SLC4A1AP: variants seen among roughly 807,000 people sequenced by gnomAD.
SLC4A1AP encodes the protein kanadaptin.
In SLC4A1AP, 64 loss-of-function variants were observed where a neutral mutation model predicts 89.7. The ratio of observed to expected loss-of-function variants is 0.71; its 90% CI spans 0.58 to 0.88. The LOEUF (loss-of-function observed/expected upper bound fraction) is 0.88. Ranked by LOEUF, SLC4A1AP falls within the 40% of genes least tolerant of loss-of-function variation. SLC4A1AP has a pLI of 0.00. For synonymous variants in SLC4A1AP, 366 were observed against 353.3 expected, an observed-to-expected ratio of 1.04 and a Z score of -0.40; for missense variants, 931 against 965.0, an observed-to-expected ratio of 0.96 and a Z score of 0.47.
At chr2:27,679,696 CAAGAT>C (rs1348935652) in intron 8 of SLC4A1AP, among the ~76,000 whole-genome samples, 2 of 151,988 alleles carry the variant, frequency 1.3e-5, no homozygotes, top group African/African-American at 4.8e-5. Context: ...GAAACACTAT[CAAGAT>C]AAGTAACAAA....
chr2:27,678,362 A>G (rs1675558218), intron 8 of SLC4A1AP, among the ~76,000 whole-genome samples: 1 of 152,080 alleles, frequency 6.6e-6, no homozygotes. Flanking sequence ...GCACAACCCT[A>G]TCTCTACAAA....
intron 9 of SLC4A1AP, 91 bp downstream of exon 9, chr2:27,682,450 C>A: frequency 5.6e-6 from 4 of 714,444 alleles, no homozygotes; most frequent in East Asian, 2.8e-5. Flanking sequence ...ACAAATGACT[C>A]ATTCCATAGT....
chr2:27,664,031 T>G, exon 1 of SLC4A1AP: 3 of 1,614,156 alleles, frequency 1.9e-6, no homozygotes, highest in Non-Finnish European at 2.5e-6. Context: ...CGGCCAGCAG[T>G]TCTTCAAACC....
chr2:27,667,898 T>C (rs1675360056), intron 3 of SLC4A1AP, among the ~76,000 whole-genome samples: 1 of 151,746 alleles, frequency 6.6e-6, no homozygotes, highest in Non-Finnish European at 1.5e-5. Context: ...ATATATGAAA[T>C]AGCTGTGCAC....
At chr2:27,689,098 A>G (rs983796193) in intron 12 of SLC4A1AP, among the ~76,000 whole-genome samples, 1 of 152,208 alleles carries the variant, frequency 6.6e-6, no homozygotes, top group Middle Eastern at 3.4e-3. Context: ...TCCATTCTAC[A>G]TCTGTTTTTT....
chr2:27,682,220 G>C, intron 8 of SLC4A1AP, 28 bp from the exon 9 acceptor site: 1 of 1,463,502 alleles, frequency 6.8e-7, no homozygotes, highest in Non-Finnish European at 9.5e-7. Flanking sequence ...CCCTGGAATA[G>C]ATGTGTATAA....
intron 13 of SLC4A1AP, 143 bp from the exon 14 acceptor site, chr2:27,694,484 TTTTGAAA>T (rs1404018280): frequency 1.1e-4 from 51 of 463,994 alleles, no homozygotes; most frequent in Non-Finnish European, 1.8e-4. Flanking sequence ...GAGGGCTGTA[TTTTGAAA>T]TTTCATACAA....
At chr2:27,664,616 T>C (rs1457211155) in intron 1 of SLC4A1AP, 39 bp downstream of exon 1, 1 of 1,462,396 alleles carries the variant, frequency 6.8e-7, no homozygotes, top group East Asian at 2.3e-5. Flanking sequence ...TCGGGTTCAT[T>C]GGACTGCGTT....
At chr2:27,685,214 G>A (rs758404295) in exon 10 of SLC4A1AP, 2 of 1,614,170 alleles carry the variant, frequency 1.2e-6, no homozygotes, top group Non-Finnish European at 1.7e-6. Context: ...AGAGCCAGAA[G>A]CAGCAGTGCA....
exon 1 of SLC4A1AP, chr2:27,664,334 G>A: frequency 6.2e-7 from 1 of 1,614,218 alleles, no homozygotes; most frequent in Non-Finnish European, 8.5e-7. Context: ...TCGGGAGGCT[G>A]TCTGGCTGCG....
chr2:27,693,406 A>G (rs1309885919), intron 12 of SLC4A1AP: 1 of 390,920 alleles, frequency 2.6e-6, no homozygotes, highest in Non-Finnish European at 4.6e-6. Flanking sequence ...AAGAGGTTCT[A>G]TTCTGGTGCA....
chr2:27,670,217 C>G (rs906458605), intron 5 of SLC4A1AP, among the ~76,000 whole-genome samples: 2 of 151,916 alleles, frequency 1.3e-5, no homozygotes, highest in African/African-American at 2.4e-5. Context: ...AGGCTGGTCT[C>G]GAACTCCTGA....
At chr2:27,682,404 C>A (rs758183360) in intron 9 of SLC4A1AP, 45 bp downstream of exon 9, 31 of 1,190,038 alleles carry the variant, frequency 2.6e-5, no homozygotes, top group Non-Finnish European at 3.8e-5. Context: ...CTTGAGTTAT[C>A]CCTGAGCTAA....
intron 8 of SLC4A1AP, among the ~76,000 whole-genome samples, chr2:27,680,461 A>G (rs1343016179): frequency 6.6e-6 from 1 of 152,192 alleles, no homozygotes; most frequent in African/African-American, 2.4e-5. Flanking sequence ...AGTAAGAATC[A>G]TATAATAATT....
exon 11 of SLC4A1AP, chr2:27,688,015 C>T: frequency 6.2e-7 from 1 of 1,613,372 alleles, no homozygotes. Flanking sequence ...TGCGCAGGAC[C>T]CTCAGGCAAG....
chr2:27,668,464 T>C (rs576291562), intron 3 of SLC4A1AP, among the ~76,000 whole-genome samples: 1 of 152,158 alleles, frequency 6.6e-6, no homozygotes, highest in South Asian at 2.1e-4. Flanking sequence ...CTTGTTCTTT[T>C]TTTGAGACAG....
intron 11 of SLC4A1AP, 50 bp downstream of exon 11, chr2:27,688,070 T>A: frequency 2.0e-6 from 3 of 1,503,322 alleles, no homozygotes. Flanking sequence ...GGTGGCTGAC[T>A]GGTTTCATAA....
intron 11 of SLC4A1AP, 103 bp from the exon 12 acceptor site, chr2:27,688,597 C>T (rs1320360719): frequency 5.4e-6 from 4 of 741,418 alleles, no homozygotes; most frequent in East Asian, 2.7e-5. Flanking sequence ...TTGTCATGAG[C>T]ATCTTTTCTT....
At chr2:27,685,999 G>A (rs183023948) in intron 10 of SLC4A1AP, among the ~76,000 whole-genome samples, 1 of 152,166 alleles carries the variant, frequency 6.6e-6, no homozygotes, top group East Asian at 1.9e-4. Context: ...TATCTTTTTA[G>A]TATCCTTTCA....
Sources: gnomAD v4.1 joint callset for allele counts (sites outside exome capture counted in the v4.1 genomes callset) on GRCh38, gnomAD v4.1.1 for gene constraint, MANE v1.5 for transcripts, NCBI Gene and HGNC (gene_info 2026-07-23, HGNC 2026-07-21) for gene names.